Variants in ANK3 observed in about 807,000 individuals in gnomAD.
The protein encoded by ANK3 is ankyrin-3.
ANK3 carries 57 observed loss-of-function variants against 370.9 expected under a neutral mutation model. The observed-to-expected ratio is 0.15, with a 90% CI of 0.12 to 0.19. The LOEUF (loss-of-function observed/expected upper bound fraction) is 0.19, where lower values mean the gene tolerates loss of function less well. ANK3 is among the 10% of genes least tolerant of loss of function. The probability of loss-of-function intolerance (pLI) is 1.00; values close to 1 mark genes in which losing one functional copy is unlikely to be tolerated. For missense variants in ANK3, 4,439 were observed against 5,302.1 expected (o/e 0.84, Z 5.06); for synonymous variants, 1,929 against 1,946.3 (o/e 0.99, Z 0.23).
intron 1 of ANK3, among the ~76,000 whole-genome samples, chr10:60,289,389 C>G (rs1566294824): frequency 1.3e-5 from 2 of 151,446 alleles, no homozygotes; most frequent in African/African-American, 4.9e-5. Context: ...CTCCCCTCCC[C>G]CTTTCTCTTT....
intron 25 of ANK3, among the ~76,000 whole-genome samples, chr10:60,128,833 A>C (rs2132164921): frequency 6.6e-6 from 1 of 152,360 alleles, no homozygotes; most frequent in South Asian, 2.1e-4. Context: ...TGTTACCACC[A>C]TTATATCTCC....
In ANK3 at chr10:60,208,062, T is replaced by C. The variant is rs1321499584; in HGVS notation, c.1168A>G (p.Lys390Glu). The change falls in exon 10 of 44, where the codon AAA becomes GAA. Residue 390 changes from lysine (K) to glutamate (E), a missense_variant. Coordinates refer to ENST00000280772, the MANE Select transcript of ANK3 (RefSeq NM_020987.5). ...YKVAKVLLDK[K>E]ANPNAKALNG... ...AGGGCTTTGGCATTGGGGTTAGCTT[T>C]CTTATCCAAGAGAACCTTGGCAACT... 1 of 1,613,938 alleles carries C rather than the reference T, an allele frequency of 6.2e-7. No individual in the cohort carries two copies. The highest frequency in any genetic ancestry group is 1.7e-5 in the Admixed American group (1 of 60,014).
intron 1 of ANK3, among the ~76,000 whole-genome samples, chr10:60,657,433 T>C (rs1011316018): frequency 6.6e-6 from 1 of 152,200 alleles, no homozygotes; most frequent in African/African-American, 2.4e-5. Flanking sequence ...TACAGGTGCA[T>C]GCATCATGCC....
intron 2 of ANK3, among the ~76,000 whole-genome samples, chr10:60,565,547 C>T (rs1483649688): frequency 6.6e-6 from 1 of 152,194 alleles, no homozygotes; most frequent in African/African-American, 2.4e-5. Context: ...ATGTTGTTAA[C>T]TAAAATTTCT....
chr10:60,417,030 T>C (rs567894921), intron 2 of ANK3, among the ~76,000 whole-genome samples: 6 of 152,284 alleles, frequency 3.9e-5, no homozygotes, highest in African/African-American at 1.4e-4. Flanking sequence ...AAAGAAAGGA[T>C]GGCTGAGAGA....
intron 2 of ANK3, among the ~76,000 whole-genome samples, chr10:60,455,985 A>G (rs1222224980): frequency 6.6e-6 from 1 of 152,200 alleles, no homozygotes; most frequent in East Asian, 1.9e-4. Flanking sequence ...GTGAATCTGT[A>G]TTATAAGCAC....
chr10:60,402,776 A>C (rs914938731), intron 2 of ANK3, among the ~76,000 whole-genome samples: 2 of 152,186 alleles, frequency 1.3e-5, no homozygotes, highest in African/African-American at 4.8e-5. Flanking sequence ...ACAGCCAGCC[A>C]AGCCCCAGCA....
At chr10:60,211,892 C>CAAAAAAAAAAA (rs72238553) in intron 9 of ANK3, among the ~76,000 whole-genome samples, 5 of 93,398 alleles carry the variant, frequency 5.4e-5, no homozygotes, top group African/African-American at 1.4e-4. Flanking sequence ...AATACAGAGC[C>CAAAAAAAAAAA]AAAAAAAAAA....
chr10:60,066,634 A>C (rs1327576147), intron 38 of ANK3, among the ~76,000 whole-genome samples: 1 of 151,332 alleles, frequency 6.6e-6, no homozygotes, highest in Non-Finnish European at 1.5e-5. Flanking sequence ...ATTCAAAGGA[A>C]AAAAAAAATT....
intron 2 of ANK3, among the ~76,000 whole-genome samples, chr10:60,493,725 C>T (rs2075583178): frequency 6.6e-6 from 1 of 151,632 alleles, no homozygotes. Context: ...ACATAGCCAA[C>T]CCCCCAAAAT....
At chr10:60,037,902 C>T (rs563916222) in intron 43 of ANK3, among the ~76,000 whole-genome samples, 99 of 152,212 alleles carry the variant, frequency 6.5e-4, no homozygotes, top group Non-Finnish European at 1.2e-3. Context: ...CTAATTTGCA[C>T]TCCCACCAAT....
At chr10:60,125,043 C>G (rs778362725) in intron 25 of ANK3, among the ~76,000 whole-genome samples, 56 of 152,014 alleles carry the variant, frequency 3.7e-4, no homozygotes, top group Non-Finnish European at 6.9e-4. Context: ...GTTTAAACAT[C>G]CAGCACTACT....
At chr10:60,528,851 C>T (rs998422448) in intron 2 of ANK3, among the ~76,000 whole-genome samples, 1 of 152,098 alleles carries the variant, frequency 6.6e-6, no homozygotes, top group African/African-American at 2.4e-5. Context: ...TTAATAATCA[C>T]TGATCTATAT....
At chr10:60,511,599 T>C (rs1428594257) in intron 2 of ANK3, among the ~76,000 whole-genome samples, 1 of 152,090 alleles carries the variant, frequency 6.6e-6, no homozygotes, top group African/African-American at 2.4e-5. Context: ...TTCATGTGTC[T>C]CAGAATATTA....
chr10:60,395,314 TTAAA>T (rs2063194276), intron 2 of ANK3, among the ~76,000 whole-genome samples: 1 of 152,176 alleles, frequency 6.6e-6, no homozygotes, highest in Non-Finnish European at 1.5e-5. Context: ...ATGTGTTCAG[TTAAA>T]TAAAACATAT....
chr10:60,572,304 G>A (rs942119068), intron 2 of ANK3, among the ~76,000 whole-genome samples: 2 of 152,052 alleles, frequency 1.3e-5, no homozygotes, highest in African/African-American at 4.8e-5. Context: ...TTTCCTCCAA[G>A]ACAGAACACA....
At chr10:60,513,346 T>C (rs1567108507) in intron 2 of ANK3, among the ~76,000 whole-genome samples, 2 of 152,118 alleles carry the variant, frequency 1.3e-5, no homozygotes, top group East Asian at 3.9e-4. Context: ...AAAATCCAAC[T>C]ACCAGTCAAG....
At chr10:60,057,026 A>T (rs1199813731) in intron 41 of ANK3, among the ~76,000 whole-genome samples, 1 of 152,150 alleles carries the variant, frequency 6.6e-6, no homozygotes, top group Non-Finnish European at 1.5e-5. Flanking sequence ...AAAGAACAAA[A>T]CAAATTCCTG....
At chr10:60,631,150 A>T (rs2078478240) in intron 1 of ANK3, among the ~76,000 whole-genome samples, 1 of 152,138 alleles carries the variant, frequency 6.6e-6, no homozygotes. Context: ...GAAGAGGTGG[A>T]CTGTGCCAGG....
Sources: gnomAD v4.1 joint callset for allele counts (sites outside exome capture counted in the v4.1 genomes callset) on GRCh38, gnomAD v4.1.1 for gene constraint, MANE v1.5 for transcripts, NCBI Gene and HGNC (gene_info 2026-07-23, HGNC 2026-07-21) for gene names.